Variants in PARD3 observed in about 807,000 individuals in gnomAD.
The protein encoded by PARD3 is par-3 family cell polarity regulator, also known as partitioning defective 3 homolog.
PARD3 carries 75 observed loss-of-function variants against 155.4 expected under a neutral mutation model. That is an observed-to-expected ratio of 0.48 (90% CI 0.40 to 0.58). PARD3 has a LOEUF of 0.58. PARD3 is among the 20% of genes least tolerant of loss of function. The pLI is 0.00. For synonymous variants in PARD3, 576 were observed against 610.5 expected, an observed-to-expected ratio of 0.94 and a Z score of 0.83; for missense variants, 1,642 against 1,721.7, an observed-to-expected ratio of 0.95 and a Z score of 0.82.
chr10:34,745,618 TCGGCAA>T, intron 1 of PARD3, among the ~76,000 whole-genome samples: 1 of 152,212 alleles, frequency 6.6e-6, no homozygotes, highest in East Asian at 1.9e-4. Flanking sequence ...AAAGGAAGAC[TCGGCAA>T]TGTGGACAGG....
chr10:34,440,090 G>GTCAAC (rs1432596697), intron 5 of PARD3, among the ~76,000 whole-genome samples: 1 of 152,130 alleles, frequency 6.6e-6, no homozygotes, highest in Non-Finnish European at 1.5e-5. Context: ...TCAAGACCAT[G>GTCAAC]TTGAAGGTAA....
chr10:34,715,028 T>C (rs1261748592), intron 1 of PARD3, among the ~76,000 whole-genome samples: 9 of 148,968 alleles, frequency 6.0e-5, no homozygotes, highest in Non-Finnish European at 3.0e-5. Context: ...CACCTCAGCC[T>C]CCCAAAGTGC....
intron 5 of PARD3, among the ~76,000 whole-genome samples, chr10:34,439,991 A>G (rs1713051615): frequency 6.6e-6 from 1 of 152,210 alleles, no homozygotes; most frequent in Non-Finnish European, 1.5e-5. Context: ...TATAGGGCAC[A>G]TATACCCAGG....
intron 2 of PARD3, among the ~76,000 whole-genome samples, chr10:34,556,642 A>G (rs1414275432): frequency 6.6e-6 from 1 of 152,124 alleles, no homozygotes; most frequent in African/African-American, 2.4e-5. Flanking sequence ...TCAGCCTCCC[A>G]AAGTGCTGGG....
chr10:34,341,169 G>A (rs192141066), intron 16 of PARD3, among the ~76,000 whole-genome samples: 1 of 135,778 alleles, frequency 7.4e-6, no homozygotes, highest in African/African-American at 2.8e-5. Flanking sequence ...TAAACAGTAT[G>A]GTTATAGCAC....
At chr10:34,137,639 C>T (rs1404708414) in intron 22 of PARD3, among the ~76,000 whole-genome samples, 3 of 152,226 alleles carry the variant, frequency 2.0e-5, no homozygotes, top group Non-Finnish European at 2.9e-5. Context: ...GGATGTGACA[C>T]AAAAGGAGTT....
chr10:34,779,741 G>A (rs1840033523), intron 1 of PARD3, among the ~76,000 whole-genome samples: 1 of 152,242 alleles, frequency 6.6e-6, no homozygotes, highest in African/African-American at 2.4e-5. Flanking sequence ...ACACAGGCAG[G>A]CAGTGGAAGA....
At chr10:34,540,384 G>A (rs2083522620) in intron 2 of PARD3, among the ~76,000 whole-genome samples, 1 of 151,816 alleles carries the variant, frequency 6.6e-6, no homozygotes, top group South Asian at 2.1e-4. Context: ...GTTCTAGCAT[G>A]AGAATTCATG....
chr10:34,578,669 G>C (rs185519328), intron 2 of PARD3, among the ~76,000 whole-genome samples: 6 of 152,268 alleles, frequency 3.9e-5, no homozygotes, highest in African/African-American at 1.4e-4. Context: ...TGTGGAGCTA[G>C]AATTCAAACC....
intron 2 of PARD3, among the ~76,000 whole-genome samples, chr10:34,613,098 C>G (rs1275358255): frequency 6.6e-6 from 1 of 151,834 alleles, no homozygotes; most frequent in Admixed American, 6.6e-5. Context: ...ACCCTTTTTT[C>G]CTGAATTTAA....
At chr10:34,725,798 T>A in intron 1 of PARD3, among the ~76,000 whole-genome samples, 1 of 152,210 alleles carries the variant, frequency 6.6e-6, no homozygotes, top group East Asian at 1.9e-4. Context: ...ACACCAGGAC[T>A]GCAACTGAAC....
At chr10:34,698,637 G>A (rs768992463) in intron 1 of PARD3, among the ~76,000 whole-genome samples, 33 of 152,128 alleles carry the variant, frequency 2.2e-4, no homozygotes, top group Non-Finnish European at 4.3e-4. Context: ...CAACTCCTGG[G>A]CTCAAGCAAT....
intron 22 of PARD3, among the ~76,000 whole-genome samples, chr10:34,197,770 G>A (rs1051073099): frequency 1.3e-5 from 2 of 152,094 alleles, no homozygotes; most frequent in African/African-American, 4.8e-5. Context: ...TCACTCTGTC[G>A]CCAGGCTGGA....
At chr10:34,467,105 T>C (rs1158130053) in intron 4 of PARD3, among the ~76,000 whole-genome samples, 2 of 152,042 alleles carry the variant, frequency 1.3e-5, no homozygotes, top group Admixed American at 6.6e-5. Context: ...AAGATAAATA[T>C]TATATTTAAG....
At position 34,256,762 on chromosome 10, in the gene PARD3, T is replaced by A. The variant is rs950145874; in HGVS notation, c.3419+12895A>T. The stretch of plus-strand genomic sequence containing the variant: ...TCAGTTTAAAAATATCTGTCAGTTT[T>A]ACAGAAATGTATATATACAACAATC... On this transcript the variant is annotated intron_variant, in intron 22 of 24. Transcript: ENST00000374788. 8.5e-5 allele frequency among the ~76,000 whole-genome samples: 12 copies of A among 141,158 alleles called. 1 individual carries two copies. Among genetic ancestry groups the A allele is most frequent in the Non-Finnish European group, 1.8e-4 (11 of 61,002 alleles). 92.6% of individuals were successfully genotyped at this position (141,158 alleles called of 152,430 possible).
chr10:34,702,055 C>T (rs1298366372), intron 1 of PARD3, among the ~76,000 whole-genome samples: 1 of 152,044 alleles, frequency 6.6e-6, no homozygotes, highest in Non-Finnish European at 1.5e-5. Context: ...ATCCCACCTA[C>T]TCAGGAGGCT....
At chr10:34,635,150 G>A (rs2132866520) in intron 2 of PARD3, among the ~76,000 whole-genome samples, 1 of 152,358 alleles carries the variant, frequency 6.6e-6, no homozygotes, top group Middle Eastern at 3.4e-3. Flanking sequence ...GAGGAGAACT[G>A]GAGAAATGCA....
At chr10:34,570,544 C>T (rs934550547) in intron 2 of PARD3, among the ~76,000 whole-genome samples, 1 of 152,162 alleles carries the variant, frequency 6.6e-6, no homozygotes, top group South Asian at 2.1e-4. Context: ...CCAAGTGGGA[C>T]TTAGGAGCTG....
intron 2 of PARD3, among the ~76,000 whole-genome samples, chr10:34,652,914 T>A (rs915485152): frequency 7.9e-5 from 12 of 152,064 alleles, no homozygotes; most frequent in African/African-American, 2.9e-4. Flanking sequence ...AAATAAACAA[T>A]GAGTAGCTAA....
Sources: allele counts gnomAD v4.1 joint callset (sites outside exome capture counted in the v4.1 genomes callset), GRCh38; gene constraint gnomAD v4.1.1; transcripts MANE v1.5; gene names NCBI Gene and HGNC (gene_info 2026-07-23, HGNC 2026-07-21).